The following TUBG2 variants were observed in gnomAD, a reference collection of about 807,000 sequenced individuals.
The protein encoded by TUBG2 is tubulin gamma-2 chain.
Under a neutral mutation model 55.1 loss-of-function variants are expected in TUBG2, and 39 were observed. That is an observed-to-expected ratio of 0.71 (90% CI 0.55 to 0.93). The LOEUF is 0.93. Ranked by LOEUF, TUBG2 falls within the 40% of genes least tolerant of loss-of-function variation. The probability of loss-of-function intolerance (pLI) is 0.00; values close to 1 mark genes in which losing one functional copy is unlikely to be tolerated. For synonymous variants in TUBG2, 223 were observed against 241.0 expected (o/e 0.93, Z 0.69); for missense variants, 358 against 599.1 (o/e 0.60, Z 4.20).
intron 4 of TUBG2, among the ~76,000 whole-genome samples, chr17:42,661,999 AAC>A (rs1419854838): frequency 6.6e-6 from 1 of 152,172 alleles, no homozygotes; most frequent in East Asian, 1.9e-4. Context: ...TCAGGATGTA[AAC>A]ACATCACAAA....
rs2052510239 is a variant in TUBG2, at chr17:42,665,577, C to T, written c.693+15C>T. On this transcript the variant is annotated intron_variant, in intron 7 of 10. Transcript: ENST00000251412. ...TCAACCAGCTGGTGGGCCCCCACTCCCGGACTCCTTTGGACTGGAAGCCCT... is the reference window on the plus strand; with the variant it reads ...TCAACCAGCTGGTGGGCCCCCACTCTCGGACTCCTTTGGACTGGAAGCCCT... 1 of 1,614,178 alleles carries T rather than the reference C, an allele frequency of 6.2e-7. No homozygotes were observed. The highest frequency in any genetic ancestry group is 1.1e-5 in the South Asian group (1 of 91,086).
intron 4 of TUBG2, among the ~76,000 whole-genome samples, chr17:42,661,677 C>T (rs569419272): frequency 2.6e-5 from 4 of 152,390 alleles, no homozygotes; most frequent in Middle Eastern, 3.4e-3. Context: ...GCGCCGGACC[C>T]TTCTAGAGCT....
intron 6 of TUBG2, among the ~76,000 whole-genome samples, chr17:42,664,560 T>C (rs2052471114): frequency 1.3e-5 from 2 of 152,096 alleles, no homozygotes; most frequent in South Asian, 4.1e-4. Context: ...AAGGATAACT[T>C]TCTTAGCAAA....
At chr17:42,665,911 C>T in intron 8 of TUBG2, 84 bp downstream of exon 8, 1 of 1,598,338 alleles carries the variant, frequency 6.3e-7, no homozygotes, top group Non-Finnish European at 8.5e-7. Flanking sequence ...TCCCCACTGC[C>T]CCAGGAGCTG....
Position 42,663,357 on chromosome 17 carries a change from A to G in TUBG2, c.480-20A>G, listed in dbSNP as rs762120044. 3.7e-6 allele frequency: 6 copies of G among 1,613,816 alleles called. No homozygotes were observed. The highest frequency in any genetic ancestry group is 4.2e-6 in the Non-Finnish European group (5 of 1,179,900). Reference sequence around the variant, plus strand: ...AGGGGTCCTTCCGGTTCACTATGCCACCATCCTCTTTTCTCTCAGGTACCC... The same window carrying G: ...AGGGGTCCTTCCGGTTCACTATGCCGCCATCCTCTTTTCTCTCAGGTACCC... On this transcript the variant is annotated intron_variant, in intron 5 of 10. Coordinates refer to ENST00000251412, the MANE Select transcript of TUBG2 (RefSeq NM_016437.3).
In TUBG2 at chr17:42,666,712, G is replaced by A; in HGVS notation, c.1268G>A (p.Arg423Lys). ...MFKDNFDEMDRSREVVQELID... is the reference protein window; with the variant it reads ...MFKDNFDEMDKSREVVQELID... ...AAGGACAACTTTGATGAGATGGACAGGTCTAGGGAGGTTGTTCAGGAGCTC... is the reference window on the plus strand; with the variant it reads ...AAGGACAACTTTGATGAGATGGACAAGTCTAGGGAGGTTGTTCAGGAGCTC... Residue 423 changes from arginine to lysine, a missense_variant, in exon 11 of 11, where the codon AGG becomes AAG. Around this residue, in one of 8 missense-constraint regions of TUBG2, gnomAD observed 54 missense variants for 50.2 expected, o/e 1.08. Coordinates refer to ENST00000251412, the MANE Select transcript of TUBG2 (RefSeq NM_016437.3). 2 of 1,614,176 alleles carry A rather than the reference G, an allele frequency of 1.2e-6. No individual in the cohort carries two copies. Among genetic ancestry groups the A allele is most frequent in the Non-Finnish European group, 8.5e-7 (1 of 1,180,024 alleles).
intron 4 of TUBG2, among the ~76,000 whole-genome samples, chr17:42,662,277 C>G (rs1321372524): frequency 6.6e-6 from 1 of 152,078 alleles, no homozygotes; most frequent in African/African-American, 2.4e-5. Context: ...GCACTGCAGT[C>G]TGGGGGACTG....
In TUBG2 at chr17:42,660,304, C is replaced by A. The variant is rs149564987; in HGVS notation, c.318C>A (p.Ser106Arg). 1.2e-6 allele frequency: 2 copies of A among 1,614,152 alleles called. No individual in the cohort carries two copies. The highest frequency in any genetic ancestry group is 1.7e-5 in the Admixed American group (1 of 60,028). ...HGGGAGNNWA[S>R]GFSQGEKIHE... is the part of the protein sequence containing the mutation. ...GAGGAGCTGGCAACAACTGGGCCAG[C>A]GGATTCTCCCAGGTGTCCTAGCGAC... The change falls in exon 3 of 11, where the codon AGC becomes AGA. Residue 106 changes from serine to arginine, a missense_variant. Ser to Arg is a moderately radical substitution (Grantham distance 110). Coordinates refer to ENST00000251412, the MANE Select transcript of TUBG2 (RefSeq NM_016437.3).
At chr17:42,661,314 C>A (rs559243934) in intron 4 of TUBG2, 1 of 152,858 alleles carries the variant, frequency 6.5e-6, no homozygotes, top group Non-Finnish European at 1.5e-5. Context: ...ATTTTACTAA[C>A]CACTGTACTA....
rs1290060352 is a variant in TUBG2, at chr17:42,660,235, C to T, written c.249C>T (p.Ala83=). The T allele has an allele frequency of 1.2e-6, 2 of 1,613,674 alleles. No homozygotes were observed. Among genetic ancestry groups the T allele is most frequent in the South Asian group, 2.2e-5 (2 of 91,036 alleles). Residue 83 remains alanine, a synonymous_variant, in exon 3 of 11, where the codon GCC becomes GCT. Coordinates refer to ENST00000251412, the MANE Select transcript of TUBG2 (RefSeq NM_016437.3). ...ACTCCATCCTCAACTCCCCCTATGC[C>T]AAGCTCTACAACCCAGAGAACATCT... The part of the protein sequence containing the change: ...VIHSILNSPY[A]KLYNPENIYL...
Position 42,666,830 on chromosome 17 carries a change from AG to A in TUBG2, c.*31del, listed in dbSNP as rs761925833. 1 of 1,612,610 alleles carries A rather than the reference AG, an allele frequency of 6.2e-7. No individual in the cohort carries two copies. The highest frequency in any genetic ancestry group is 1.7e-5 in the Admixed American group (1 of 59,976). On this transcript the variant is annotated 3_prime_UTR_variant, in exon 11 of 11. Transcript: ENST00000251412. ...CCTCCCCACTACTCCTTCTCCTTCT[AG>A]ATGGTAACCACAGCCTCGACCATGC...
intron 6 of TUBG2, 70 bp from the exon 7 acceptor site, chr17:42,665,406 G>A: frequency 1.9e-6 from 3 of 1,610,602 alleles, no homozygotes; most frequent in African/African-American, 1.3e-5. Context: ...TTCAGCAGGG[G>A]CTAAGCCAAT....
At position 42,660,326 on chromosome 17, in the gene TUBG2, C is replaced by T. The variant is rs1372990816; in HGVS notation, c.330+10C>T. 3 of 1,614,204 alleles carry T rather than the reference C, an allele frequency of 1.9e-6. No individual in the cohort carries two copies. The highest frequency in any genetic ancestry group is 2.5e-6 in the Non-Finnish European group (3 of 1,180,034). On this transcript the variant is annotated intron_variant, in intron 3 of 10. Transcript: ENST00000251412. ...CAGCGGATTCTCCCAGGTGTCCTAG[C>T]GACCATTCCAGAGACCTTTGATATT... is the stretch of plus-strand genomic sequence containing the variant.
intron 4 of TUBG2, 155 bp downstream of exon 4, chr17:42,660,862 A>G (rs1031022508): frequency 1.6e-6 from 1 of 643,742 alleles, no homozygotes; most frequent in African/African-American, 1.8e-5. Context: ...TGAATAAGAT[A>G]TAATCTTTGT....
intron 4 of TUBG2, 68 bp downstream of exon 4, chr17:42,660,775 T>G: frequency 7.0e-7 from 1 of 1,434,564 alleles, no homozygotes; most frequent in Non-Finnish European, 9.7e-7. Flanking sequence ...GGTCAGGAGG[T>G]GGCCTGGATA....
chr17:42,663,001 G>T lies in TUBG2; in HGVS notation c.428G>T (p.Gly143Val). The T allele has an allele frequency of 6.2e-7, 1 of 1,614,120 alleles. No homozygotes were observed. The highest frequency in any genetic ancestry group is 8.5e-7 in the Non-Finnish European group (1 of 1,180,020). The change falls in exon 5 of 11, where the codon GGG becomes GTG. Residue 143 changes from glycine to valine, a missense_variant. Transcript: ENST00000251412. ...TTCGTGCTGTGTCACTCCATCGCTG[G>T]GGGTACGGGTTCTGGCCTGGGCTCC... ...EGFVLCHSIAGGTGSGLGSYL... is the reference protein window; with the variant it reads ...EGFVLCHSIAVGTGSGLGSYL...
rs1303963861 is a variant in TUBG2 at position 42,663,484 on chromosome 17, C to T, written c.587C>T (p.Thr196Met). The T allele has an allele frequency of 8.7e-6, 14 of 1,613,888 alleles. No homozygotes were observed. Among genetic ancestry groups the T allele is most frequent in the African/African-American group, 1.3e-5 (1 of 74,892 alleles). Residue 196 changes from threonine (T) to methionine (M), a missense_variant, in exon 6 of 11, where the codon ACG (threonine) becomes ATG (methionine). Transcript: ENST00000251412. ...YNSLLTLKRL[T>M]QNADCVVVLD... ...TCACTCCTGACACTCAAGAGGCTGA[C>T]GCAGAACGCAGATTGTGTGGTGAGC...
Position 42,666,180 on chromosome 17 carries a change from A to G in TUBG2, c.937A>G (p.Thr313Ala), listed in dbSNP as rs776024152. ...GGTGTCCACAGGCCGAGACCGCCAGACCAACCACTGCTACATCGCCATCCT... is the reference window on the plus strand; with the variant it reads ...GGTGTCCACAGGCCGAGACCGCCAGGCCAACCACTGCTACATCGCCATCCT... ...VMVSTGRDRQ[T>A]NHCYIAILNI... Residue 313 changes from threonine (T) to alanine (A), a missense_variant, in exon 9 of 11, where the codon ACC (threonine) becomes GCC (alanine). Physicochemically the swap from Thr to Ala is moderately conservative, Grantham distance 58 (BLOSUM62 0). This residue lies in a region of TUBG2 where 129 missense variants were observed against 251.6 expected (regional missense o/e 0.51). Transcript: ENST00000251412. 6.2e-7 allele frequency: 1 copy of G among 1,613,942 alleles called. No individual in the cohort carries two copies. Among genetic ancestry groups the G allele is most frequent in the Non-Finnish European group, 8.5e-7 (1 of 1,179,862 alleles).
At chr17:42,663,166 C>T in intron 5 of TUBG2, 114 bp downstream of exon 5, 1 of 1,310,740 alleles carries the variant, frequency 7.6e-7, no homozygotes, top group Non-Finnish European at 1.1e-6. Flanking sequence ...TAGGGACAGA[C>T]CCACCCAAGG....
Sources: allele counts gnomAD v4.1 joint callset (sites outside exome capture counted in the v4.1 genomes callset), GRCh38; gene constraint gnomAD v4.1.1; regional missense constraint gnomAD v4.1.1; transcripts MANE v1.5; gene names NCBI Gene and HGNC (gene_info 2026-07-23, HGNC 2026-07-21).